ACTN1: variants seen among roughly 807,000 people sequenced by gnomAD.
ACTN1 encodes actinin alpha 1.
ACTN1 carries 30 observed loss-of-function variants against 119.6 expected under a neutral mutation model. The ratio of observed to expected loss-of-function variants is 0.25; its 90% CI spans 0.19 to 0.34. The LOEUF (loss-of-function observed/expected upper bound fraction) is 0.34. ACTN1 is among the 10% of genes least tolerant of loss of function. The probability of loss-of-function intolerance (pLI) is 1.00; values close to 1 mark genes in which losing one functional copy is unlikely to be tolerated. For missense variants in ACTN1, 764 were observed against 1,223.4 expected, an observed-to-expected ratio of 0.62 and a Z score of 5.60; for synonymous variants, 429 against 472.6, an observed-to-expected ratio of 0.91 and a Z score of 1.20.
chr14:68,903,389 A>G (rs2033463264), intron 7 of ACTN1, among the ~76,000 whole-genome samples: 2 of 152,166 alleles, frequency 1.3e-5, no homozygotes, highest in Non-Finnish European at 2.9e-5. Context: ...CTAAAAATAT[A>G]AAAATTAGCC....
chr14:68,912,131 G>T (rs770090251), intron 4 of ACTN1, 25 bp downstream of exon 4: 3 of 1,609,360 alleles, frequency 1.9e-6, no homozygotes, highest in Non-Finnish European at 2.6e-6. Flanking sequence ...TGGTGATGGC[G>T]GGATGGAACA....
At chr14:68,957,136 C>T (rs995851162) in intron 1 of ACTN1, among the ~76,000 whole-genome samples, 2 of 152,196 alleles carry the variant, frequency 1.3e-5, no homozygotes, top group African/African-American at 4.8e-5. Flanking sequence ...AAACTGAAAG[C>T]TGTTTGCAAC....
chr14:68,938,119 T>C (rs1358090404), intron 1 of ACTN1, among the ~76,000 whole-genome samples: 1 of 152,130 alleles, frequency 6.6e-6, no homozygotes, highest in Non-Finnish European at 1.5e-5. Flanking sequence ...GGCTAACTTA[T>C]CAGGGGCTGA....
At chr14:68,892,517 A>G (rs2032574786) in intron 9 of ACTN1, among the ~76,000 whole-genome samples, 1 of 152,160 alleles carries the variant, frequency 6.6e-6, no homozygotes, top group Admixed American at 6.6e-5. Flanking sequence ...ACTCACAGTC[A>G]CGTCACTCAA....
intron 1 of ACTN1, chr14:68,936,499 CCTTTT>C (rs2035518787): frequency 3.2e-6 from 1 of 310,922 alleles, no homozygotes; most frequent in Admixed American, 4.7e-5. Context: ...GCTGTCATTA[CCTTTT>C]TTTTTTTTTT....
At position 68,909,122 on chromosome 14, in the gene ACTN1, G is replaced by T. The variant is rs72733527; in HGVS notation, c.594+196C>A. The stretch of plus-strand genomic sequence containing the variant: ...ATGTGTGCAAGTACACACACACCAC[G>T]CACAAGGGTAATGAAGTTGCCCTAA... On this transcript the variant is annotated intron_variant, in intron 6 of 21. Transcript: ENST00000394419. The surrounding 1 kb of genome is among the most constrained non-coding windows in gnomAD (Gnocchi z 4.1). 0.14 allele frequency among the ~76,000 whole-genome samples: 21,655 copies of T among 152,196 alleles called. 1,823 individuals are homozygous for T. The highest frequency in any genetic ancestry group is 0.25 in the South Asian group (1,187 of 4,830).
chr14:68,906,667 G>A (rs976646607), intron 6 of ACTN1, among the ~76,000 whole-genome samples: 1 of 152,216 alleles, frequency 6.6e-6, no homozygotes, highest in African/African-American at 2.4e-5. Context: ...GCTGCTGCAG[G>A]AAGGAAGAGC....
Position 68,921,862 on chromosome 14 carries a change from C to T in ACTN1, c.221-737G>A, listed in dbSNP as rs1307708507. Among the ~76,000 whole-genome samples the T allele has an allele frequency of 2.6e-5, 4 of 152,110 alleles. No homozygotes were observed. In the East Asian group the frequency reaches 7.7e-4, roughly 29 times the overall value. On this transcript the variant is annotated intron_variant, in intron 2 of 21. Transcript: ENST00000394419. ...CCCAGGGCTCAGCTCCAGGTCAACC[C>T]TCCACCCCCACCTCCAGATTCCACA...
chr14:68,909,114 C>T lies in ACTN1; in HGVS notation c.594+204G>A, dbSNP rs1345148846. Among the ~76,000 whole-genome samples, 1 of 152,180 alleles carries T rather than the reference C, an allele frequency of 6.6e-6. No individual in the cohort carries two copies. Among genetic ancestry groups the T allele is most frequent in the Admixed American group, 6.5e-5 (1 of 15,282 alleles). ...GGCTGTGTATGTGTGCAAGTACACA[C>T]ACACCACGCACAAGGGTAATGAAGT... On this transcript the variant is annotated intron_variant, in intron 6 of 21. Coordinates refer to ENST00000394419, the MANE Select transcript of ACTN1 (RefSeq NM_001130004.2). The surrounding 1 kb of genome is among the most constrained non-coding windows in gnomAD (Gnocchi z 4.1).
chr14:68,971,424 A>T (rs972706371), intron 1 of ACTN1, among the ~76,000 whole-genome samples: 39 of 152,312 alleles, frequency 2.6e-4, no homozygotes, highest in African/African-American at 9.1e-4. Flanking sequence ...CCTTCCCAGG[A>T]GGTGGACAGT....
At chr14:68,888,602 A>C (rs1275914308) in intron 11 of ACTN1, among the ~76,000 whole-genome samples, 1 of 151,276 alleles carries the variant, frequency 6.6e-6, no homozygotes, top group East Asian at 1.9e-4. Flanking sequence ...AGGGGTCCCC[A>C]CCCCCTGGGC....
At position 68,972,504 on chromosome 14, in the gene ACTN1, TA is replaced by T. The variant is rs1371115194; in HGVS notation, c.105+6447del. 2.0e-5 allele frequency among the ~76,000 whole-genome samples: 3 copies of T among 152,246 alleles called. No individual in the cohort carries two copies. In the East Asian group the frequency reaches 5.8e-4, roughly 29 times the overall value. ...TTTCTTAGGTTTTTAAAAATTGAGA[TA>T]AAATTCCATGCCATAAAGTCACCAT... On this transcript the variant is annotated intron_variant, in intron 1 of 21. Transcript: ENST00000394419.
intron 11 of ACTN1, among the ~76,000 whole-genome samples, chr14:68,889,083 C>G (rs2032266825): frequency 6.6e-6 from 1 of 152,244 alleles, no homozygotes; most frequent in Non-Finnish European, 1.5e-5. Flanking sequence ...CACGCTCCAG[C>G]TGAAATGGCC....
rs1027432692 is a variant in ACTN1, at chr14:68,890,161, G to A, written c.1212C>T (p.Ser404=). The change falls in exon 11 of 22, where the codon TCC becomes TCT. Residue 404 remains serine, a synonymous_variant. Coordinates refer to ENST00000394419, the MANE Select transcript of ACTN1 (RefSeq NM_001130004.2). ...HLAEKFRQKA[S]IHEAWTDGKE... ...CACCGTCAGTCCAGGCCTCGTGGATGGAGGCCTTCTGCCGGAACTTCTCTG... is the reference window on the plus strand; with the variant it reads ...CACCGTCAGTCCAGGCCTCGTGGATAGAGGCCTTCTGCCGGAACTTCTCTG... 3 of 1,614,056 alleles carry A rather than the reference G, an allele frequency of 1.9e-6. No individual in the cohort carries two copies. The East Asian group carries it at 6.7e-5, about 36-fold the overall frequency.
intron 13 of ACTN1, among the ~76,000 whole-genome samples, chr14:68,884,531 G>T (rs988391562): frequency 6.6e-6 from 1 of 152,206 alleles, no homozygotes; most frequent in African/African-American, 2.4e-5. Context: ...AAATGGCTGG[G>T]GTTGGGCTGT....
Position 68,937,234 on chromosome 14 carries a change from CA to C in ACTN1, c.106-11563del, listed in dbSNP as rs150530323. Among the ~76,000 whole-genome samples, 116 of 140,680 alleles carry C rather than the reference CA, an allele frequency of 8.2e-4. 1 individual carries two copies. Among genetic ancestry groups the C allele is most frequent in the African/African-American group, 2.5e-3 (95 of 38,162 alleles). The allele number at this position is 140,680 out of a possible 152,430, so 92.3% of individuals were successfully genotyped here. A position where few individuals can be genotyped will look rare whatever the true frequency, so the allele number is the denominator to read the frequency against. On this transcript the variant is annotated intron_variant, in intron 1 of 21. Transcript: ENST00000394419. ...TTAGATCAATAAAGTTAGTGGTTTT[CA>C]AAAAAAAAAGAAAAAAGAAAAGTCT... is the stretch of plus-strand genomic sequence containing the variant.
At chr14:68,931,960 A>G (rs978104522) in intron 1 of ACTN1, among the ~76,000 whole-genome samples, 1 of 152,030 alleles carries the variant, frequency 6.6e-6, no homozygotes, top group African/African-American at 2.4e-5. Context: ...CTGACTCTAT[A>G]AGAGCCTGAG....
intron 1 of ACTN1, among the ~76,000 whole-genome samples, chr14:68,941,722 G>T (rs1344775430): frequency 2.0e-5 from 3 of 151,712 alleles, no homozygotes; most frequent in Admixed American, 6.6e-5. Context: ...GGAAAGGCAT[G>T]AGACAAAAAG....
At chr14:68,911,487 TTGAATTGAA>T (rs1165059086) in intron 4 of ACTN1, among the ~76,000 whole-genome samples, 4 of 152,232 alleles carry the variant, frequency 2.6e-5, no homozygotes, top group African/African-American at 9.6e-5. Flanking sequence ...CACAAAGCAA[TTGAATTGAA>T]TCCACGTTGT....
Sources: gnomAD v4.1 joint callset for allele counts (sites outside exome capture counted in the v4.1 genomes callset) on GRCh38, gnomAD v4.1.1 for gene constraint, Gnocchi (gnomAD v3.1) non-coding constraint, MANE v1.5 for transcripts, NCBI Gene and HGNC (gene_info 2026-07-23, HGNC 2026-07-21) for gene names.